PTPN1: variants seen among roughly 807,000 people sequenced by gnomAD.
The protein encoded by PTPN1 is protein tyrosine phosphatase non-receptor type 1, also known as tyrosine-protein phosphatase non-receptor type 1.
Under a neutral mutation model 59.9 loss-of-function variants are expected in PTPN1, and 12 were observed. That is an observed-to-expected ratio of 0.20 (90% CI 0.13 to 0.32). PTPN1 has a LOEUF of 0.32. Ranked by LOEUF, PTPN1 falls within the 10% of genes least tolerant of loss-of-function variation. The probability of loss-of-function intolerance (pLI) is 1.00; values close to 1 mark genes in which losing one functional copy is unlikely to be tolerated. For synonymous variants in PTPN1, 178 were observed against 203.6 expected (o/e 0.87, Z 1.07); for missense variants, 356 against 549.2 (o/e 0.65, Z 3.52).
At chr20:50,552,719 A>G (rs2082708114) in intron 1 of PTPN1, among the ~76,000 whole-genome samples, 1 of 150,622 alleles carries the variant, frequency 6.6e-6, no homozygotes, top group South Asian at 2.1e-4. Flanking sequence ...AGCCAGGTAT[A>G]GTGCTAATAT....
At chr20:50,539,026 C>CT (rs71190576) in intron 1 of PTPN1, among the ~76,000 whole-genome samples, 3,862 of 85,330 alleles carry the variant, frequency 0.045, 319 homozygotes, top group Non-Finnish European at 0.062. Flanking sequence ...CTTCTCAATT[C>CT]TTTTTTTTTT....
At chr20:50,533,971 C>T (rs2082612738) in intron 1 of PTPN1, among the ~76,000 whole-genome samples, 1 of 152,150 alleles carries the variant, frequency 6.6e-6, no homozygotes. Flanking sequence ...TTCTCTCTTG[C>T]CCAGGCTAAA....
chr20:50,565,290 G>A (rs927182702), intron 3 of PTPN1, among the ~76,000 whole-genome samples: 1 of 152,256 alleles, frequency 6.6e-6, no homozygotes, highest in African/African-American at 2.4e-5. Flanking sequence ...TGCTGGAAAT[G>A]AGAGCTTATA....
At chr20:50,523,525 C>T (rs1033157427) in intron 1 of PTPN1, among the ~76,000 whole-genome samples, 3 of 152,138 alleles carry the variant, frequency 2.0e-5, no homozygotes, top group Non-Finnish European at 2.9e-5. Flanking sequence ...TTGCTTTTCT[C>T]GTCTAGATTG....
intron 1 of PTPN1, among the ~76,000 whole-genome samples, chr20:50,554,381 TCTC>T (rs1314720753): frequency 5.2e-5 from 1 of 19,334 alleles, no homozygotes; most frequent in Non-Finnish European, 1.2e-4. Flanking sequence ...CAAGACCACA[TCTC>T]TCTCTCTCTC....
In PTPN1 at chr20:50,583,145, A is replaced by G. The variant is rs1471058228; in HGVS notation, c.*430A>G. Reference sequence around the variant, plus strand: ...AACAATTTTTTCCCCAAAGGCATCCATAGTGCACTAGCATTTTCTTGAACC... The same window carrying G: ...AACAATTTTTTCCCCAAAGGCATCCGTAGTGCACTAGCATTTTCTTGAACC... On this transcript the variant is annotated 3_prime_UTR_variant, in exon 10 of 10. Coordinates refer to ENST00000371621, the MANE Select transcript of PTPN1 (RefSeq NM_002827.4). 5.6e-6 allele frequency: 1 copy of G among 179,514 alleles called. No individual in the cohort carries two copies. The highest frequency in any genetic ancestry group is 2.3e-5 in the African/African-American group (1 of 42,730). The allele number at this position is 179,514 out of a possible 1,614,324, so 11.1% of individuals were successfully genotyped here. A position where few individuals can be genotyped will look rare whatever the true frequency, so the allele number is the denominator to read the frequency against.
intron 1 of PTPN1, among the ~76,000 whole-genome samples, chr20:50,519,285 T>C (rs1213640420): frequency 6.6e-6 from 1 of 152,190 alleles, no homozygotes; most frequent in Non-Finnish European, 1.5e-5. Flanking sequence ...ACAAAACTTA[T>C]CAGACATAGT....
At chr20:50,529,869 AT>A (rs1196755947) in intron 1 of PTPN1, among the ~76,000 whole-genome samples, 1 of 152,060 alleles carries the variant, frequency 6.6e-6, no homozygotes, top group Non-Finnish European at 1.5e-5. Flanking sequence ...TTGATTTATT[AT>A]TATTATCATT....
intron 1 of PTPN1, among the ~76,000 whole-genome samples, chr20:50,550,478 G>A (rs1336692049): frequency 1.3e-5 from 2 of 152,248 alleles, no homozygotes; most frequent in African/African-American, 4.8e-5. Flanking sequence ...TGTTTGGTCA[G>A]AAGGCTGTGT....
At chr20:50,511,644 T>C (rs2082508032) in intron 1 of PTPN1, among the ~76,000 whole-genome samples, 1 of 152,180 alleles carries the variant, frequency 6.6e-6, no homozygotes, top group Admixed American at 6.5e-5. Context: ...TTCTCATATA[T>C]CTATAAAACA....
chr20:50,535,232 C>A (rs1232584989), intron 1 of PTPN1, among the ~76,000 whole-genome samples: 2 of 152,172 alleles, frequency 1.3e-5, no homozygotes, highest in African/African-American at 4.8e-5. Flanking sequence ...GAGGGTGTTA[C>A]CTCCAGATTC....
intron 2 of PTPN1, 44 bp from the exon 3 acceptor site, chr20:50,564,925 C>T (rs1211381129): frequency 1.2e-6 from 2 of 1,610,956 alleles, no homozygotes; most frequent in South Asian, 1.1e-5. Context: ...TGTACACATT[C>T]AGCTTTTCCG....
intron 1 of PTPN1, among the ~76,000 whole-genome samples, chr20:50,514,682 A>G (rs909412103): frequency 4.6e-5 from 7 of 152,160 alleles, no homozygotes; most frequent in East Asian, 3.8e-4. Flanking sequence ...CTGAGCCTAT[A>G]TATATTTTGC....
Position 50,568,427 on chromosome 20 carries a change from G to A in PTPN1, c.303G>A (p.Glu101=), listed in dbSNP as rs1410578708. Residue 101 remains glutamate, a synonymous_variant, in exon 4 of 10, where the codon GAG becomes GAA. Coordinates refer to ENST00000371621, the MANE Select transcript of PTPN1 (RefSeq NM_002827.4). The surrounding 1 kb of genome is among the most constrained non-coding windows in gnomAD (Gnocchi z 5.6). ...TCGHFWEMVW[E]QKSRGVVMLN... is the part of the protein sequence containing the mutation. Reference sequence around the variant, plus strand: ...GTCACTTTTGGGAGATGGTGTGGGAGCAGAAAAGCAGGGGTGTCGTCATGC... The same window carrying A: ...GTCACTTTTGGGAGATGGTGTGGGAACAGAAAAGCAGGGGTGTCGTCATGC... The A allele has an allele frequency of 6.2e-7, 1 of 1,614,196 alleles. No homozygotes were observed. The highest frequency in any genetic ancestry group is 8.5e-7 in the Non-Finnish European group (1 of 1,180,018).
chr20:50,533,931 T>A (rs886147361), intron 1 of PTPN1, among the ~76,000 whole-genome samples: 1 of 152,180 alleles, frequency 6.6e-6, no homozygotes, highest in African/African-American at 2.4e-5. Flanking sequence ...AGCTGTCTTA[T>A]TTTTTATTTT....
intron 1 of PTPN1, among the ~76,000 whole-genome samples, chr20:50,534,344 A>G (rs2082614529): frequency 6.6e-6 from 1 of 152,224 alleles, no homozygotes; most frequent in South Asian, 2.1e-4. Context: ...TTTTTGCCAG[A>G]AAATCACTCA....
chr20:50,558,492 C>T (rs1248460704), intron 1 of PTPN1, among the ~76,000 whole-genome samples: 1 of 152,194 alleles, frequency 6.6e-6, no homozygotes. Flanking sequence ...TCTTTTTAGA[C>T]TGGCCACATG....
intron 1 of PTPN1, among the ~76,000 whole-genome samples, 153 bp downstream of exon 1, chr20:50,510,743 C>T (rs997529082): frequency 1.3e-5 from 2 of 151,970 alleles, no homozygotes; most frequent in South Asian, 2.1e-4. Flanking sequence ...CTGCGTCCCC[C>T]CACCCTTTGT....
At position 50,525,753 on chromosome 20, in the gene PTPN1, G is replaced by GT. The variant is rs370584639; in HGVS notation, c.63+15173dup. Among the ~76,000 whole-genome samples, 684 of 149,298 alleles carry GT rather than the reference G, an allele frequency of 4.6e-3. 5 individuals are homozygous for GT. The highest frequency in any genetic ancestry group is 0.016 in the African/African-American group (642 of 40,692). ...TTTTGACTATTTTTTTGAATGATGA[G>GT]TTTTTTTTTTCTCTTTCTTGTTTTC... On this transcript the variant is annotated intron_variant, in intron 1 of 9. Transcript: ENST00000371621.
Sources: gnomAD v4.1 joint callset for allele counts (sites outside exome capture counted in the v4.1 genomes callset) on GRCh38, gnomAD v4.1.1 for gene constraint, Gnocchi (gnomAD v3.1) non-coding constraint, MANE v1.5 for transcripts, NCBI Gene and HGNC (gene_info 2026-07-23, HGNC 2026-07-21) for gene names.